Variants in CPN1 observed in about 807,000 individuals in gnomAD.
The protein encoded by CPN1 is carboxypeptidase N catalytic chain.
Under a neutral mutation model 46.4 loss-of-function variants are expected in CPN1, and 37 were observed. The observed-to-expected ratio is 0.80, with a 90% confidence interval of 0.61 to 1.05. The LOEUF (loss-of-function observed/expected upper bound fraction) is 1.05, where lower values mean the gene tolerates loss of function less well. Ranked by LOEUF, CPN1 falls within the 50% of genes least tolerant of loss-of-function variation. CPN1 has a pLI of 0.00. For missense variants in CPN1, 563 were observed against 602.6 expected, an observed-to-expected ratio of 0.93 and a Z score of 0.69; for synonymous variants, 224 against 235.4, an observed-to-expected ratio of 0.95 and a Z score of 0.44.
chr10:100,061,188 T>C (rs1182380481), intron 5 of CPN1, among the ~76,000 whole-genome samples: 3 of 152,114 alleles, frequency 2.0e-5, no homozygotes, highest in African/African-American at 7.2e-5. Context: ...CAGCAATAAT[T>C]TGCTGTAACT....
intron 5 of CPN1, among the ~76,000 whole-genome samples, chr10:100,062,341 G>T (rs1005809167): frequency 1.3e-5 from 2 of 152,156 alleles, no homozygotes; most frequent in African/African-American, 4.8e-5. Flanking sequence ...GCTCTTGAAG[G>T]TTACATTATC....
intron 3 of CPN1, among the ~76,000 whole-genome samples, chr10:100,067,714 G>A (rs1175338988): frequency 6.6e-6 from 1 of 152,146 alleles, no homozygotes; most frequent in Non-Finnish European, 1.5e-5. Context: ...CCACCAGCAG[G>A]GTGAAACCAC....
chr10:100,078,057 T>A (rs2041525316), intron 1 of CPN1, among the ~76,000 whole-genome samples: 1 of 152,164 alleles, frequency 6.6e-6, no homozygotes, highest in African/African-American at 2.4e-5. Context: ...TTCTTTTTTT[T>A]AATTTAGAGA....
rs904343091 is a variant in CPN1, at chr10:100,057,652, G to A, written c.872-500C>T. ...GTACTGTAGGGGTAATGAATGAAGC[G>A]AATAAATTTTCGTTCATTTTGGTTC... is the stretch of plus-strand genomic sequence containing the variant. On this transcript the variant is annotated intron_variant, in intron 5 of 8. Coordinates refer to ENST00000370418, the MANE Select transcript of CPN1 (RefSeq NM_001308.3). 3.9e-5 allele frequency among the ~76,000 whole-genome samples: 6 copies of A among 152,044 alleles called. No homozygotes were observed. The East Asian group carries it at 5.8e-4, about 15-fold the overall frequency.
chr10:100,045,370 G>C (rs1416340042), intron 8 of CPN1, among the ~76,000 whole-genome samples: 1 of 152,186 alleles, frequency 6.6e-6, no homozygotes, highest in African/African-American at 2.4e-5. Flanking sequence ...AAAAGGGAAA[G>C]AGGACCCCAG....
chr10:100,053,389 A>T (rs2041366620), intron 7 of CPN1, among the ~76,000 whole-genome samples: 1 of 152,130 alleles, frequency 6.6e-6, no homozygotes, highest in Non-Finnish European at 1.5e-5. Flanking sequence ...CTGTAACCCT[A>T]GTACTTTGGG....
Position 100,063,620 on chromosome 10 carries a change from T to G in CPN1, c.865A>C (p.Ser289Arg), listed in dbSNP as rs2041434354. 9 of 1,612,498 alleles carry G rather than the reference T, an allele frequency of 5.6e-6. No homozygotes were observed. Among genetic ancestry groups the G allele is most frequent in the Non-Finnish European group, 7.6e-6 (9 of 1,178,544 alleles). Residue 289 changes from serine to arginine, a missense_variant, in exon 5 of 9, where the codon AGC becomes CGC. By Grantham distance (110) the Ser-to-Arg change is moderately radical. Transcript: ENST00000370418. The stretch of plus-strand genomic sequence containing the variant: ...TTCCCAGGACTCCCCTTACCCTTGC[T>G]GAGAGAATACCAGGAAGCCCCATTG... The part of the protein sequence containing the change: ...ITNGASWYSL[S>R]KGMQDFNYLH...
chr10:100,062,484 T>C (rs939419804), intron 5 of CPN1, among the ~76,000 whole-genome samples: 1 of 152,350 alleles, frequency 6.6e-6, no homozygotes, highest in East Asian at 1.9e-4. Flanking sequence ...GGCATACTAC[T>C]GTGCTACTTT....
chr10:100,055,495 A>G (rs2133431678), intron 6 of CPN1, among the ~76,000 whole-genome samples: 1 of 152,178 alleles, frequency 6.6e-6, no homozygotes, highest in East Asian at 1.9e-4. Context: ...AATGTCCTCA[A>G]GATTCATCCA....
chr10:100,057,202 A>G (rs768622089), intron 5 of CPN1, 50 bp from the exon 6 acceptor site: 2 of 1,595,704 alleles, frequency 1.3e-6, no homozygotes, highest in Non-Finnish European at 1.7e-6. Context: ...TTCCCACCCA[A>G]TGCCCCATCT....
intron 2 of CPN1, among the ~76,000 whole-genome samples, chr10:100,075,694 A>G (rs2041509401): frequency 6.6e-6 from 1 of 152,260 alleles, no homozygotes; most frequent in South Asian, 2.1e-4. Flanking sequence ...ATGCAGGCTC[A>G]GAGAGAGCCC....
At chr10:100,053,874 G>A (rs1589472097) in intron 7 of CPN1, among the ~76,000 whole-genome samples, 1 of 152,134 alleles carries the variant, frequency 6.6e-6, no homozygotes, top group African/African-American at 2.4e-5. Flanking sequence ...CCCACAGTAA[G>A]CCTATGATGG....
chr10:100,054,246 C>A (rs1226953137), intron 7 of CPN1, 101 bp downstream of exon 7: 2 of 892,446 alleles, frequency 2.2e-6, no homozygotes, highest in Non-Finnish European at 3.8e-6. Flanking sequence ...ATCCTTGACA[C>A]CCCTGCTGGT....
At chr10:100,075,589 T>C (rs1399191403) in intron 2 of CPN1, among the ~76,000 whole-genome samples, 2 of 152,184 alleles carry the variant, frequency 1.3e-5, no homozygotes, top group Non-Finnish European at 2.9e-5. Flanking sequence ...TCCACATCTG[T>C]TGAGTATTTT....
chr10:100,057,587 G>T (rs113700772), intron 5 of CPN1, among the ~76,000 whole-genome samples: 2 of 152,082 alleles, frequency 1.3e-5, no homozygotes, highest in African/African-American at 2.4e-5. Flanking sequence ...GACCAGTAAG[G>T]GGGGAAATAG....
rs1484766548 is a variant in CPN1, at chr10:100,076,055, G to T, written c.276C>A (p.Gly92=). 18 of 1,613,992 alleles carry T rather than the reference G, an allele frequency of 1.1e-5. No individual in the cohort carries two copies. The highest frequency in any genetic ancestry group is 1.4e-5 in the Non-Finnish European group (16 of 1,180,008). The part of the protein sequence containing the change: ...VGNMHGNEAL[G]RELMLQLSEF... ...CCGACAGCTGCAGCATCAGCTCGCG[G>T]CCCAACGCTTCGTTGCCGTGCATGT... Residue 92 remains glycine, a synonymous_variant, in exon 2 of 9, where the codon GGC becomes GGA. Transcript: ENST00000370418.
In CPN1 at chr10:100,075,899, T is replaced by TG. The variant is rs1406000386; in HGVS notation, c.420+11dup. On this transcript the variant is annotated intron_variant, in intron 2 of 8. Coordinates refer to ENST00000370418, the MANE Select transcript of CPN1 (RefSeq NM_001308.3). ...CTTGATCTCTCCCCGGCATCTCCCT[T>TG]GGACCTCGTACCTGGGCAGCAGCCA... 6.2e-7 allele frequency: 1 copy of TG among 1,613,730 alleles called. No homozygotes were observed. Among genetic ancestry groups the TG allele is most frequent in the South Asian group, 1.1e-5 (1 of 91,058 alleles).
At chr10:100,066,153 G>T (rs1359052779) in intron 3 of CPN1, among the ~76,000 whole-genome samples, 1 of 151,922 alleles carries the variant, frequency 6.6e-6, no homozygotes, top group African/African-American at 2.4e-5. Flanking sequence ...ATGGGGTTTT[G>T]CCATGTTACT....
chr10:100,056,964 G>A (rs1564772536), intron 6 of CPN1, 49 bp downstream of exon 6: 3 of 1,613,360 alleles, frequency 1.9e-6, no homozygotes, highest in South Asian at 1.1e-5. Context: ...CTGCCATTGA[G>A]AAGCACTTCT....
Sources: gnomAD v4.1 joint callset for allele counts (sites outside exome capture counted in the v4.1 genomes callset) on GRCh38, gnomAD v4.1.1 for gene constraint, MANE v1.5 for transcripts, NCBI Gene and HGNC (gene_info 2026-07-23, HGNC 2026-07-21) for gene names.